CTNNA3: variants seen among roughly 807,000 people sequenced by gnomAD.
CTNNA3 encodes the protein catenin alpha-3.
Under a neutral mutation model 95.7 loss-of-function variants are expected in CTNNA3, and 76 were observed. The observed-to-expected ratio is 0.79, with a 90% CI of 0.66 to 0.96. The LOEUF is 0.96. CTNNA3 is among the 40% of genes least tolerant of loss of function. The pLI is 0.00. For missense variants in CTNNA3, 1,191 were observed against 1,089.8 expected (o/e 1.09, Z -1.31); for synonymous variants, 431 against 374.4 (o/e 1.15, Z -1.74).
At chr10:67,037,947 C>T (rs1184374970) in intron 7 of CTNNA3, among the ~76,000 whole-genome samples, 1 of 151,914 alleles carries the variant, frequency 6.6e-6, no homozygotes, top group African/African-American at 2.4e-5. Context: ...AAACAGGAGG[C>T]AGAGAAATAA....
At chr10:66,520,521 G>T in intron 11 of CTNNA3, 96 bp downstream of exon 11, 1 of 1,104,496 alleles carries the variant, frequency 9.1e-7, no homozygotes, top group Non-Finnish European at 1.3e-6. Context: ...CAAAGTGTTG[G>T]CATTACAGGC....
chr10:67,557,963 G>C (rs533306157), intron 3 of CTNNA3, among the ~76,000 whole-genome samples: 1 of 152,232 alleles, frequency 6.6e-6, no homozygotes, highest in African/African-American at 2.4e-5. Context: ...CTCTAAACAT[G>C]GCCACTCTCA....
chr10:67,289,648 G>C (rs1246634271), intron 5 of CTNNA3, among the ~76,000 whole-genome samples: 1 of 152,046 alleles, frequency 6.6e-6, no homozygotes, highest in African/African-American at 2.4e-5. Context: ...TAGAGACAAA[G>C]GGCAAAACAT....
intron 6 of CTNNA3, among the ~76,000 whole-genome samples, chr10:67,211,524 T>C (rs16924233): frequency 0.043 from 6,578 of 152,264 alleles, 182 homozygotes; most frequent in South Asian, 0.088. Context: ...AACCTCACAC[T>C]AGGTTCTGAA....
At chr10:66,465,647 C>T (rs939801828) in intron 11 of CTNNA3, among the ~76,000 whole-genome samples, 1 of 152,094 alleles carries the variant, frequency 6.6e-6, no homozygotes, top group Non-Finnish European at 1.5e-5. Flanking sequence ...ACTCAGGAAG[C>T]ACATCCTGTG....
intron 11 of CTNNA3, among the ~76,000 whole-genome samples, chr10:66,518,115 A>G (rs1398835639): frequency 6.6e-6 from 1 of 152,160 alleles, no homozygotes; most frequent in Non-Finnish European, 1.5e-5. Flanking sequence ...TTGTTATTTA[A>G]GTAACCTTTA....
Position 66,841,310 on chromosome 10 carries a change from T to C in CTNNA3, c.1048-65786A>G, listed in dbSNP as rs184854899. ...TTGATGAGCTAATTAGAGATCATCC[T>C]TATCTATTAATTAAAACTCCACTAC... On this transcript the variant is annotated intron_variant, in intron 7 of 17. Transcript: ENST00000433211. Among the ~76,000 whole-genome samples the C allele has an allele frequency of 3.8e-3, 573 of 152,286 alleles. 3 individuals are homozygous for C. Among genetic ancestry groups the C allele is most frequent in the South Asian group, 0.02 (98 of 4,824 alleles).
At chr10:66,696,776 A>C (rs1388776867) in intron 9 of CTNNA3, among the ~76,000 whole-genome samples, 1 of 151,812 alleles carries the variant, frequency 6.6e-6, no homozygotes, top group Non-Finnish European at 1.5e-5. Flanking sequence ...CTATTAAAAA[A>C]AAAAATTAAA....
intron 5 of CTNNA3, among the ~76,000 whole-genome samples, chr10:67,283,381 C>T (rs1056172428): frequency 1.3e-5 from 2 of 152,140 alleles, no homozygotes; most frequent in African/African-American, 2.4e-5. Flanking sequence ...TGGGCTCAAG[C>T]ACGCACCCTA....
intron 5 of CTNNA3, among the ~76,000 whole-genome samples, chr10:67,458,835 G>A (rs896508240): frequency 2.6e-5 from 4 of 152,060 alleles, no homozygotes; most frequent in Non-Finnish European, 4.4e-5. Flanking sequence ...CAGGTTCCTC[G>A]CTTAACATGT....
chr10:67,151,072 T>G (rs2132065888), intron 7 of CTNNA3, among the ~76,000 whole-genome samples: 1 of 152,292 alleles, frequency 6.6e-6, no homozygotes, highest in South Asian at 2.1e-4. Flanking sequence ...ACACAGATAC[T>G]TTTTCTTCAT....
intron 10 of CTNNA3, among the ~76,000 whole-genome samples, chr10:66,559,990 G>A (rs536693803): frequency 6.6e-6 from 1 of 152,030 alleles, no homozygotes; most frequent in East Asian, 1.9e-4. Context: ...CACACAATAG[G>A]CACGAAATAA....
At chr10:67,448,833 A>C (rs1464376633) in intron 5 of CTNNA3, among the ~76,000 whole-genome samples, 1 of 148,330 alleles carries the variant, frequency 6.7e-6, no homozygotes, top group East Asian at 1.9e-4. Context: ...TTGTTATACA[A>C]TTTAGAAATA....
chr10:65,919,915 C>T lies in CTNNA3; in HGVS notation c.*415G>A, dbSNP rs1336843924. 6.3e-6 allele frequency: 1 copy of T among 159,130 alleles called. No homozygotes were observed. The highest frequency in any genetic ancestry group is 1.4e-5 in the Non-Finnish European group (1 of 72,694). 9.9% of individuals were successfully genotyped at this position (159,130 alleles called of 1,614,324 possible). A position where few individuals can be genotyped will look rare whatever the true frequency, so the allele number is the denominator to read the frequency against. On this transcript the variant is annotated 3_prime_UTR_variant, in exon 18 of 18. Coordinates refer to ENST00000433211, the MANE Select transcript of CTNNA3 (RefSeq NM_013266.4). Reference sequence around the variant, plus strand: ...AAATGGGAAAATATTTTATAAAAGTCTTTTGTTTCTATTAAAAAACCAAGT... The same window carrying T: ...AAATGGGAAAATATTTTATAAAAGTTTTTTGTTTCTATTAAAAAACCAAGT...
At chr10:66,332,117 G>A in intron 12 of CTNNA3, among the ~76,000 whole-genome samples, 1 of 152,018 alleles carries the variant, frequency 6.6e-6, no homozygotes. Context: ...CTTTGCTGAA[G>A]TTGCCTATCA....
intron 5 of CTNNA3, among the ~76,000 whole-genome samples, chr10:67,473,071 T>C (rs1847886184): frequency 6.6e-6 from 1 of 152,244 alleles, no homozygotes; most frequent in South Asian, 2.1e-4. Flanking sequence ...CTTTAAATGT[T>C]GTAACCTTGT....
intron 15 of CTNNA3, among the ~76,000 whole-genome samples, chr10:66,034,949 CTG>C (rs1301892421): frequency 1.3e-5 from 2 of 152,240 alleles, no homozygotes; most frequent in East Asian, 1.9e-4. Flanking sequence ...TAGTTAATAA[CTG>C]TAACTATTTT....
chr10:66,425,369 T>C (rs1181072103), intron 11 of CTNNA3, among the ~76,000 whole-genome samples: 1 of 151,886 alleles, frequency 6.6e-6, no homozygotes, highest in Non-Finnish European at 1.5e-5. Flanking sequence ...GTTTTAGTGT[T>C]CTGTTTAGAA....
intron 5 of CTNNA3, among the ~76,000 whole-genome samples, chr10:67,429,817 T>C (rs758648843): frequency 6.6e-6 from 1 of 151,930 alleles, no homozygotes; most frequent in African/African-American, 2.4e-5. Flanking sequence ...AAACCAATTA[T>C]AAATGTTCTC....
Sources: allele counts gnomAD v4.1 joint callset (sites outside exome capture counted in the v4.1 genomes callset), GRCh38; gene constraint gnomAD v4.1.1; transcripts MANE v1.5; gene names NCBI Gene and HGNC (gene_info 2026-07-23, HGNC 2026-07-21).